KLHL1: variants seen among roughly 807,000 people sequenced by gnomAD.
The protein encoded by KLHL1 is kelch like family member 1, also known as kelch-like protein 1.
A neutral mutation model predicts 77.7 loss-of-function variants in KLHL1; 47 were observed. The observed-to-expected ratio is 0.60, with a 90% confidence interval of 0.48 to 0.77. KLHL1 has a LOEUF of 0.77. KLHL1 is among the 30% of genes least tolerant of loss of function. The probability of loss-of-function intolerance (pLI) is 0.00; values close to 1 mark genes in which losing one functional copy is unlikely to be tolerated. For missense variants in KLHL1, 925 were observed against 910.8 expected (o/e 1.02, Z -0.20); for synonymous variants, 360 against 325.2 (o/e 1.11, Z -1.15).
intron 1 of KLHL1, among the ~76,000 whole-genome samples, chr13:70,024,628 C>CTCTCTTTCTCTCTT (rs1885891471): frequency 2.9e-5 from 2 of 70,014 alleles, no homozygotes; most frequent in African/African-American, 7.9e-5. Flanking sequence ...ATTTCTCTCT[C>CTCTCTTTCTCTCTT]TCTCTCTCTC....
At chr13:69,952,092 T>C (rs1028966649) in intron 3 of KLHL1, among the ~76,000 whole-genome samples, 1 of 151,432 alleles carries the variant, frequency 6.6e-6, no homozygotes, top group African/African-American at 2.4e-5. Flanking sequence ...GATTACAAGG[T>C]TCTAAATATG....
intron 1 of KLHL1, among the ~76,000 whole-genome samples, chr13:70,061,728 C>T (rs1436045160): frequency 4.6e-5 from 7 of 152,160 alleles, no homozygotes; most frequent in African/African-American, 1.7e-4. Flanking sequence ...CAGGTTCTTG[C>T]ATTTTCAAAT....
intron 1 of KLHL1, among the ~76,000 whole-genome samples, chr13:70,083,608 CT>C (rs1887446407): frequency 6.6e-6 from 1 of 152,124 alleles, no homozygotes; most frequent in South Asian, 2.1e-4. Context: ...AGGGTATATG[CT>C]GTCTAAATTA....
At chr13:69,803,464 C>A (rs147628596) in intron 6 of KLHL1, among the ~76,000 whole-genome samples, 1 of 152,128 alleles carries the variant, frequency 6.6e-6, no homozygotes, top group Non-Finnish European at 1.5e-5. Flanking sequence ...TTAATATATG[C>A]AGTGGGTAGA....
intron 4 of KLHL1, among the ~76,000 whole-genome samples, chr13:69,909,210 C>T (rs1468312714): frequency 4.0e-5 from 6 of 151,696 alleles, no homozygotes; most frequent in Admixed American, 6.6e-5. Context: ...TAGATGCTTA[C>T]TTGTCATATT....
chr13:70,021,343 C>T (rs1885788356), intron 1 of KLHL1, among the ~76,000 whole-genome samples: 1 of 152,022 alleles, frequency 6.6e-6, no homozygotes, highest in African/African-American at 2.4e-5. Context: ...CTTGATAGGC[C>T]ACTTCTTTAT....
At chr13:70,006,751 C>T (rs1216856955) in intron 1 of KLHL1, among the ~76,000 whole-genome samples, 1 of 151,916 alleles carries the variant, frequency 6.6e-6, no homozygotes, top group Non-Finnish European at 1.5e-5. Flanking sequence ...AAGGTACATG[C>T]TGACAGCACT....
At chr13:69,704,379 A>G (rs1383140691) in intron 10 of KLHL1, among the ~76,000 whole-genome samples, 3 of 151,684 alleles carry the variant, frequency 2.0e-5, no homozygotes, top group African/African-American at 7.2e-5. Flanking sequence ...AGTCTTCCAC[A>G]TAGCTCAGGT....
chr13:70,093,863 T>C (rs900233742), intron 1 of KLHL1, among the ~76,000 whole-genome samples: 3 of 152,178 alleles, frequency 2.0e-5, no homozygotes, highest in African/African-American at 4.8e-5. Flanking sequence ...GTGAACTGTC[T>C]TATTATACAC....
chr13:70,004,284 CAAAT>C (rs1885358681), intron 1 of KLHL1, among the ~76,000 whole-genome samples: 1 of 151,722 alleles, frequency 6.6e-6, no homozygotes, highest in African/African-American at 2.4e-5. Context: ...CGTAGGACCT[CAAAT>C]AAATAAAGAC....
chr13:70,021,069 C>T (rs1208781110), intron 1 of KLHL1, among the ~76,000 whole-genome samples: 2 of 152,048 alleles, frequency 1.3e-5, no homozygotes, highest in African/African-American at 2.4e-5. Context: ...TTTGGACTCA[C>T]TCTCAGTGTT....
intron 3 of KLHL1, among the ~76,000 whole-genome samples, chr13:69,946,821 T>C (rs73510192): frequency 0.13 from 19,205 of 152,070 alleles, 1,695 homozygotes; most frequent in East Asian, 0.29. Context: ...GCCAATAATT[T>C]TTCTGAATGT....
Position 70,074,054 on chromosome 13 carries a change from C to T in KLHL1, c.497+33149G>A, listed in dbSNP as rs543367207. On this transcript the variant is annotated intron_variant, in intron 1 of 10. Transcript: ENST00000377844. ...TTGGTCAGGCTTGTTCTCAAACTCC[C>T]GACCTCAGGTGATCCGCCCACCTCG... Among the ~76,000 whole-genome samples the T allele has an allele frequency of 9.2e-5, 14 of 152,002 alleles. 1 individual carries two copies. Among genetic ancestry groups the T allele is most frequent in the South Asian group, 6.2e-4 (3 of 4,806 alleles).
chr13:70,061,725 T>C (rs1027331138), intron 1 of KLHL1, among the ~76,000 whole-genome samples: 2 of 152,206 alleles, frequency 1.3e-5, no homozygotes, highest in African/African-American at 4.8e-5. Flanking sequence ...CTCCAGGTTC[T>C]TGCATTTTCA....
chr13:69,958,739 A>T (rs112260364), intron 3 of KLHL1, among the ~76,000 whole-genome samples: 3 of 108,786 alleles, frequency 2.8e-5, no homozygotes, highest in South Asian at 6.5e-4. Flanking sequence ...CCTTAAAATT[A>T]AAAAAAAAAA....
Position 69,780,893 on chromosome 13 carries a change from C to T in KLHL1, c.1639+15845G>A, listed in dbSNP as rs112797305. ...TTATGAAACCTCATTGATTCTGTTT[C>T]CCTGACACATGAGCATTTCTGGATA... On this transcript the variant is annotated intron_variant, in intron 7 of 10. Coordinates refer to ENST00000377844, the MANE Select transcript of KLHL1 (RefSeq NM_020866.3). Among the ~76,000 whole-genome samples, 907 of 151,610 alleles carry T rather than the reference C, an allele frequency of 6.0e-3. 5 individuals are homozygous for T. The highest frequency in any genetic ancestry group is 0.011 in the Non-Finnish European group (772 of 67,924).
At chr13:69,759,857 G>A (rs1241097532) in intron 7 of KLHL1, among the ~76,000 whole-genome samples, 1 of 152,122 alleles carries the variant, frequency 6.6e-6, no homozygotes, top group Non-Finnish European at 1.5e-5. Context: ...GTTAAGACAA[G>A]ATTGCCAGGC....
intron 4 of KLHL1, among the ~76,000 whole-genome samples, chr13:69,932,223 T>C (rs1302310031): frequency 1.3e-5 from 2 of 151,726 alleles, no homozygotes; most frequent in East Asian, 3.9e-4. Flanking sequence ...TTTTACCTGA[T>C]CAGAAAATAT....
At chr13:70,069,122 C>T (rs1887080638) in intron 1 of KLHL1, among the ~76,000 whole-genome samples, 1 of 152,180 alleles carries the variant, frequency 6.6e-6, no homozygotes, top group South Asian at 2.1e-4. Context: ...TCAGCTCTGG[C>T]TCACTAAAAG....
Sources: allele counts gnomAD v4.1 joint callset (sites outside exome capture counted in the v4.1 genomes callset), GRCh38; gene constraint gnomAD v4.1.1; transcripts MANE v1.5; gene names NCBI Gene and HGNC (gene_info 2026-07-23, HGNC 2026-07-21).